FMN1: variants seen among roughly 807,000 people sequenced by gnomAD.
The protein encoded by FMN1 is formin-1.
Under a neutral mutation model 132.4 loss-of-function variants are expected in FMN1, and 110 were observed. That is an observed-to-expected ratio of 0.83 (90% CI 0.71 to 0.97). FMN1 has a LOEUF of 0.97. Ranked by LOEUF, FMN1 falls within the 50% of genes least tolerant of loss-of-function variation. The pLI is 0.00. For synonymous variants in FMN1, 722 were observed against 651.7 expected (o/e 1.11, Z -1.64); for missense variants, 1,792 against 1,705.3 (o/e 1.05, Z -0.90).
chr15:32,808,136 G>A (rs2141025474), intron 17 of FMN1, among the ~76,000 whole-genome samples: 1 of 152,218 alleles, frequency 6.6e-6, no homozygotes, highest in Non-Finnish European at 1.5e-5. Flanking sequence ...TTTCAATACG[G>A]GAACTATATA....
intron 7 of FMN1, among the ~76,000 whole-genome samples, chr15:33,001,541 C>CCCT (rs1210633052): frequency 2.7e-5 from 4 of 148,944 alleles, no homozygotes; most frequent in African/African-American, 7.4e-5. Flanking sequence ...AGTGCGTCCC[C>CCCT]CCTCATCCTC....
intron 4 of FMN1, among the ~76,000 whole-genome samples, chr15:33,127,201 A>G (rs549076227): frequency 1.3e-5 from 2 of 152,266 alleles, no homozygotes; most frequent in Admixed American, 6.5e-5. Context: ...GTTTCTCCTC[A>G]AAAATATAAT....
intron 15 of FMN1, among the ~76,000 whole-genome samples, chr15:32,889,501 T>C (rs543299722): frequency 6.6e-6 from 1 of 152,308 alleles, no homozygotes; most frequent in Middle Eastern, 3.4e-3. Flanking sequence ...TCTACATCTC[T>C]GGCCTCATTT....
intron 3 of FMN1, among the ~76,000 whole-genome samples, chr15:33,160,727 C>G (rs1964854920): frequency 6.6e-6 from 1 of 152,144 alleles, no homozygotes; most frequent in Admixed American, 6.5e-5. Context: ...CTTAATTTGG[C>G]CTGTGAAGTG....
intron 2 of FMN1, among the ~76,000 whole-genome samples, chr15:33,191,619 TGA>T (rs1189308482): frequency 6.6e-6 from 1 of 152,204 alleles, no homozygotes; most frequent in Non-Finnish European, 1.5e-5. Flanking sequence ...GAAACATAAG[TGA>T]GAGGGAATGC....
intron 3 of FMN1, among the ~76,000 whole-genome samples, chr15:33,167,662 A>G (rs1049120614): frequency 1.3e-5 from 2 of 152,254 alleles, no homozygotes; most frequent in Non-Finnish European, 2.9e-5. Context: ...ACTGTTGACC[A>G]TAAGTCTTAC....
intron 18 of FMN1, among the ~76,000 whole-genome samples, chr15:32,802,243 CCAAA>C (rs2057505084): frequency 6.6e-6 from 1 of 152,126 alleles, no homozygotes; most frequent in Non-Finnish European, 1.5e-5. Flanking sequence ...TTTAATTCAG[CCAAA>C]CATTTTTAAA....
intron 15 of FMN1, among the ~76,000 whole-genome samples, chr15:32,893,525 C>A (rs555444896): frequency 6.6e-6 from 1 of 152,334 alleles, no homozygotes; most frequent in Admixed American, 6.5e-5. Context: ...AAGACTTGGA[C>A]CAAAAACCAG....
chr15:32,982,580 T>A (rs76935076), intron 7 of FMN1, among the ~76,000 whole-genome samples: 2,073 of 152,226 alleles, frequency 0.014, 42 homozygotes, highest in African/African-American at 0.047. Flanking sequence ...GATGTGTCTG[T>A]GAAGGTGTTT....
At chr15:32,941,302 T>C (rs2061396186) in intron 9 of FMN1, among the ~76,000 whole-genome samples, 1 of 152,198 alleles carries the variant, frequency 6.6e-6, no homozygotes, top group African/African-American at 2.4e-5. Flanking sequence ...TATCCAATGT[T>C]ACTCTGGTTG....
intron 18 of FMN1, among the ~76,000 whole-genome samples, chr15:32,804,064 T>C (rs115670527): frequency 0.025 from 3,849 of 152,164 alleles, 172 homozygotes; most frequent in African/African-American, 0.087. Context: ...GTAGCTAAAG[T>C]AGTCGAAGTC....
chr15:33,108,395 G>C (rs1461304512), intron 4 of FMN1, among the ~76,000 whole-genome samples: 2 of 152,042 alleles, frequency 1.3e-5, no homozygotes, highest in Admixed American at 6.6e-5. Flanking sequence ...AGTAGGGAAA[G>C]GAGATAATGG....
intron 16 of FMN1, among the ~76,000 whole-genome samples, chr15:32,861,160 T>C (rs974105131): frequency 1.3e-5 from 2 of 152,224 alleles, no homozygotes; most frequent in South Asian, 4.1e-4. Flanking sequence ...AGAATTGTTT[T>C]TCATGAACGT....
chr15:33,035,536 C>T (rs970292766), intron 6 of FMN1, among the ~76,000 whole-genome samples: 1 of 152,122 alleles, frequency 6.6e-6, no homozygotes, highest in Non-Finnish European at 1.5e-5. Context: ...GTACTCACAG[C>T]CTTTGCACTG....
At chr15:33,046,575 C>A (rs1469406092) in intron 6 of FMN1, among the ~76,000 whole-genome samples, 1 of 152,126 alleles carries the variant, frequency 6.6e-6, no homozygotes, top group African/African-American at 2.4e-5. Flanking sequence ...CAGCAACTTG[C>A]AAAATTGAGG....
intron 16 of FMN1, among the ~76,000 whole-genome samples, chr15:32,866,099 G>A (rs2059386480): frequency 6.6e-6 from 1 of 151,530 alleles, no homozygotes; most frequent in Non-Finnish European, 1.5e-5. Flanking sequence ...GAGTGGGGAG[G>A]GATAGCATTA....
chr15:33,132,246 G>T (rs1200401499), intron 4 of FMN1, among the ~76,000 whole-genome samples: 1 of 151,992 alleles, frequency 6.6e-6, no homozygotes, highest in Non-Finnish European at 1.5e-5. Flanking sequence ...ATAAGCAGCT[G>T]AATATTTTCA....
At chr15:32,779,809 T>C (rs762552456) in intron 19 of FMN1, among the ~76,000 whole-genome samples, 42 of 152,290 alleles carry the variant, frequency 2.8e-4, no homozygotes, top group Non-Finnish European at 4.9e-4. Context: ...TTAACCACCA[T>C]GCAATGTGCA....
At chr15:32,792,915 A>G (rs1455981883) in intron 19 of FMN1, among the ~76,000 whole-genome samples, 4 of 152,164 alleles carry the variant, frequency 2.6e-5, no homozygotes, top group Non-Finnish European at 5.9e-5. Context: ...TTGCATTCAG[A>G]TTGTTATACA....
Sources: allele counts gnomAD v4.1 joint callset (sites outside exome capture counted in the v4.1 genomes callset), GRCh38; gene constraint gnomAD v4.1.1; transcripts MANE v1.5; gene names NCBI Gene and HGNC (gene_info 2026-07-23, HGNC 2026-07-21).